KIF26B: variants seen among roughly 807,000 people sequenced by gnomAD.
The protein encoded by KIF26B is kinesin-like protein KIF26B.
Under a neutral mutation model 151.2 loss-of-function variants are expected in KIF26B, and 63 were observed. The ratio of observed to expected loss-of-function variants is 0.42; its 90% CI spans 0.34 to 0.51. The LOEUF (loss-of-function observed/expected upper bound fraction) is 0.51, where lower values mean the gene tolerates loss of function less well. KIF26B is among the 20% of genes least tolerant of loss of function. The probability of loss-of-function intolerance (pLI) is 0.07; values close to 1 mark genes in which losing one functional copy is unlikely to be tolerated. For missense variants in KIF26B, 2,813 were observed against 2,913.6 expected, an observed-to-expected ratio of 0.97 and a Z score of 0.79; for synonymous variants, 1,357 against 1,262.1, an observed-to-expected ratio of 1.08 and a Z score of -1.59.
At chr1:245,316,475 G>T (rs1671778186) in intron 2 of KIF26B, among the ~76,000 whole-genome samples, 2 of 151,934 alleles carry the variant, frequency 1.3e-5, no homozygotes, top group African/African-American at 4.8e-5. Flanking sequence ...ACTAATTTTG[G>T]CTCAGTAGAA....
At chr1:245,458,644 G>A (rs1659588598) in intron 4 of KIF26B, among the ~76,000 whole-genome samples, 1 of 152,150 alleles carries the variant, frequency 6.6e-6, no homozygotes, top group Admixed American at 6.5e-5. Flanking sequence ...GAGTAGTAAT[G>A]GATGTAATCT....
chr1:245,214,685 A>C (rs1400488713), intron 2 of KIF26B, among the ~76,000 whole-genome samples: 2 of 152,032 alleles, frequency 1.3e-5, no homozygotes, highest in Non-Finnish European at 2.9e-5. Context: ...GTAAAAATAC[A>C]AAAAATTAGC....
intron 2 of KIF26B, among the ~76,000 whole-genome samples, chr1:245,323,140 C>G (rs139656492): frequency 2.0e-5 from 3 of 152,312 alleles, no homozygotes; most frequent in African/African-American, 7.2e-5. Context: ...ATAAGTATCT[C>G]TATTCCTATT....
chr1:245,592,042 C>T (rs760415415), intron 5 of KIF26B, among the ~76,000 whole-genome samples: 10 of 152,212 alleles, frequency 6.6e-5, no homozygotes, highest in South Asian at 2.1e-4. Flanking sequence ...CTTCCCCCTC[C>T]GCTCCCCGAA....
chr1:245,456,913 T>G (rs1445269510), intron 4 of KIF26B, among the ~76,000 whole-genome samples: 3 of 152,244 alleles, frequency 2.0e-5, no homozygotes, highest in Non-Finnish European at 4.4e-5. Context: ...TTGCCCAGTC[T>G]GGAGTGCAGT....
At chr1:245,249,173 A>C (rs1194790177) in intron 2 of KIF26B, among the ~76,000 whole-genome samples, 2 of 152,126 alleles carry the variant, frequency 1.3e-5, no homozygotes, top group African/African-American at 4.8e-5. Context: ...GAGCAGTGGC[A>C]TGATCTCGGC....
In KIF26B at chr1:245,435,784, C is replaced by T. The variant is rs115184943; in HGVS notation, c.1166+16039C>T. ...GCAAGTGTGCTGCCCACCCTAGGTCCGAGGTGGCCACTTCCTGCTAGCCAC... is the reference window on the plus strand; with the variant it reads ...GCAAGTGTGCTGCCCACCCTAGGTCTGAGGTGGCCACTTCCTGCTAGCCAC... On this transcript the variant is annotated intron_variant, in intron 4 of 14. Transcript: ENST00000407071. 4.8e-4 allele frequency among the ~76,000 whole-genome samples: 73 copies of T among 152,266 alleles called. 1 individual carries two copies. Among genetic ancestry groups the T allele is most frequent in the Middle Eastern group, 3.4e-3 (1 of 294 alleles).
chr1:245,685,594 A>G lies in KIF26B; in HGVS notation c.2611A>G (p.Asn871Asp). The G allele has an allele frequency of 6.2e-7, 1 of 1,613,796 alleles. No homozygotes were observed. ...CGACACCGTCATCTACATCGGGCCC[A>G]ACGGCACGGCCCTCTCTGACAAGGA... ...SCDTVIYIGP[N>D]GTALSDKELT... Residue 871 changes from asparagine (N) to aspartate (D), a missense_variant, in exon 12 of 15, where the codon AAC becomes GAC. By Grantham distance (23) the Asn-to-Asp change is conservative. This residue lies in a region of KIF26B where 2,060 missense variants were observed against 2,088.6 expected (regional missense o/e 0.99). Coordinates refer to ENST00000407071, the MANE Select transcript of KIF26B (RefSeq NM_018012.4).
intron 10 of KIF26B, among the ~76,000 whole-genome samples, chr1:245,662,956 C>A (rs1158798152): frequency 8.7e-5 from 10 of 114,324 alleles, no homozygotes; most frequent in African/African-American, 1.7e-4. Context: ...GCTCTCAGGT[C>A]ACCTCTGTCT....
intron 2 of KIF26B, among the ~76,000 whole-genome samples, chr1:245,206,059 G>C (rs1669400337): frequency 6.6e-6 from 1 of 152,068 alleles, no homozygotes. Flanking sequence ...TTTTCTGATT[G>C]CTGGTCTTTG....
chr1:245,302,220 A>T (rs1406384119), intron 2 of KIF26B, among the ~76,000 whole-genome samples: 1 of 152,226 alleles, frequency 6.6e-6, no homozygotes, highest in Non-Finnish European at 1.5e-5. Context: ...GTTGATATGT[A>T]ATCAAAGCAA....
chr1:245,351,453 C>T (rs556540792), intron 2 of KIF26B, among the ~76,000 whole-genome samples: 1 of 151,536 alleles, frequency 6.6e-6, no homozygotes, highest in Non-Finnish European at 1.5e-5. Flanking sequence ...TGCCTTTTCC[C>T]GTCTTAAACA....
intron 4 of KIF26B, among the ~76,000 whole-genome samples, chr1:245,443,721 G>C (rs373046054): frequency 6.0e-5 from 6 of 100,666 alleles, no homozygotes; most frequent in African/African-American, 1.7e-4. Flanking sequence ...TGTTCACCTA[G>C]AGCGGTCATC....
chr1:245,347,976 CAG>C (rs908448622), intron 2 of KIF26B, among the ~76,000 whole-genome samples: 6 of 152,184 alleles, frequency 3.9e-5, no homozygotes, highest in African/African-American at 1.4e-4. Flanking sequence ...AACTGAGAAA[CAG>C]AGAGGTTGAA....
At chr1:245,603,809 G>A (rs1308048734) in intron 6 of KIF26B, among the ~76,000 whole-genome samples, 5 of 152,114 alleles carry the variant, frequency 3.3e-5, no homozygotes, top group African/African-American at 4.8e-5. Context: ...ATGATTGGAC[G>A]AGCTCCAAGT....
At chr1:245,579,982 G>A (rs1262079142) in intron 5 of KIF26B, among the ~76,000 whole-genome samples, 1 of 152,198 alleles carries the variant, frequency 6.6e-6, no homozygotes, top group Non-Finnish European at 1.5e-5. Context: ...TGAGACACGG[G>A]TTTCCTCTAG....
intron 2 of KIF26B, among the ~76,000 whole-genome samples, chr1:245,236,041 T>C (rs1670103581): frequency 6.6e-6 from 1 of 151,926 alleles, no homozygotes; most frequent in Non-Finnish European, 1.5e-5. Context: ...GTGATTCTCC[T>C]GCCCCAGCTT....
chr1:245,595,867 G>A (rs1277625610), intron 5 of KIF26B, among the ~76,000 whole-genome samples: 10 of 152,186 alleles, frequency 6.6e-5, no homozygotes, highest in South Asian at 2.1e-4. Flanking sequence ...TCAGGGATTC[G>A]ACTTCTTCTT....
chr1:245,417,213 T>A (rs1674442228), intron 3 of KIF26B, among the ~76,000 whole-genome samples: 1 of 152,228 alleles, frequency 6.6e-6, no homozygotes, highest in African/African-American at 2.4e-5. Flanking sequence ...AATGCTAACA[T>A]TTGTGAATAG....
Sources: gnomAD v4.1 joint callset for allele counts (sites outside exome capture counted in the v4.1 genomes callset) on GRCh38, gnomAD v4.1.1 for gene constraint, gnomAD v4.1.1 regional missense constraint, MANE v1.5 for transcripts, NCBI Gene and HGNC (gene_info 2026-07-23, HGNC 2026-07-21) for gene names.